The following RIPOR3 variants were observed in gnomAD, a reference collection of about 807,000 sequenced individuals.
RIPOR3 encodes RIPOR family member 3.
Under a neutral mutation model 114.3 loss-of-function variants are expected in RIPOR3, and 95 were observed. That is an observed-to-expected ratio of 0.83 (90% CI 0.70 to 0.99). The LOEUF (loss-of-function observed/expected upper bound fraction) is 0.99. RIPOR3 is among the 50% of genes least tolerant of loss of function. The probability of loss-of-function intolerance (pLI) is 0.00; values close to 1 mark genes in which losing one functional copy is unlikely to be tolerated. For missense variants in RIPOR3, 1,252 were observed against 1,266.9 expected (o/e 0.99, Z 0.18); for synonymous variants, 575 against 543.8 (o/e 1.06, Z -0.80).
chr20:50,682,731 C>CTTT (rs11483033), intron 1 of RIPOR3, among the ~76,000 whole-genome samples: 4 of 146,406 alleles, frequency 2.7e-5, no homozygotes, highest in Non-Finnish European at 3.0e-5. Context: ...AGTGATAAAA[C>CTTT]TTTTTTTTTT....
intron 1 of RIPOR3, among the ~76,000 whole-genome samples, chr20:50,651,638 T>C (rs1276906399): frequency 6.6e-6 from 1 of 152,210 alleles, no homozygotes; most frequent in Non-Finnish European, 1.5e-5. Context: ...CCACACTCCC[T>C]TCCTCACCTC....
At position 50,594,627 on chromosome 20, in the gene RIPOR3, G is replaced by A. The variant is rs371910395; in HGVS notation, c.2138C>T (p.Thr713Met). ...TTTCTTGAGCTGGTTCAGCAGCGTC[G>A]TGGCAGGGCAGGACAGGACCCTGCC... ...GPGRVLSCPATTLLNQLKKTF... is the reference protein window; with the variant it reads ...GPGRVLSCPAMTLLNQLKKTF... The change falls in exon 17 of 22, where the codon ACG becomes ATG. Residue 713 changes from threonine (T) to methionine (M), a missense_variant. Thr to Met is a moderately conservative substitution (Grantham distance 81). Transcript: ENST00000327979. 1.8e-5 allele frequency: 29 copies of A among 1,613,814 alleles called. No homozygotes were observed. The highest frequency in any genetic ancestry group is 6.6e-5 in the South Asian group (6 of 91,074).
At chr20:50,657,748 C>CTTTTTTTTT (rs1272938455) in intron 1 of RIPOR3, among the ~76,000 whole-genome samples, 4 of 109,096 alleles carry the variant, frequency 3.7e-5, no homozygotes, top group Admixed American at 9.8e-5. Context: ...ATGTCTTTTA[C>CTTTTTTTTT]TTTTTTTTTT....
Position 50,586,337 on chromosome 20 carries a change from T to A in RIPOR3, c.*895A>T, listed in dbSNP as rs1326182404. The A allele has an allele frequency of 6.6e-6, 1 of 152,352 alleles. No individual in the cohort carries two copies. The highest frequency in any genetic ancestry group is 6.5e-5 in the Admixed American group (1 of 15,296). The allele number at this position is 152,352 out of a possible 1,614,324, so 9.4% of individuals were successfully genotyped here. On this transcript the variant is annotated 3_prime_UTR_variant, in exon 22 of 22. Transcript: ENST00000327979. The stretch of plus-strand genomic sequence containing the variant: ...TCTCAGGACATGGTTTGCTTTTTTT[T>A]AAGACTTAAATAGGAAACTAATTTT...
intron 2 of RIPOR3, among the ~76,000 whole-genome samples, chr20:50,627,554 G>T (rs570650152): frequency 7.4e-6 from 1 of 134,924 alleles, no homozygotes; most frequent in African/African-American, 3.4e-5. Context: ...GTGGTGGCAC[G>T]CTCCTGTAAT....
intron 1 of RIPOR3, among the ~76,000 whole-genome samples, chr20:50,637,127 G>A (rs929559503): frequency 6.6e-6 from 1 of 152,130 alleles, no homozygotes; most frequent in Non-Finnish European, 1.5e-5. Context: ...TACCAGAGGG[G>A]GCCCGAGAAA....
intron 1 of RIPOR3, among the ~76,000 whole-genome samples, chr20:50,690,385 G>C (rs1238025537): frequency 6.6e-6 from 1 of 152,146 alleles, no homozygotes; most frequent in African/African-American, 2.4e-5. Flanking sequence ...GGCACTCTTC[G>C]TTCAAGCCTG....
At chr20:50,652,459 C>G (rs187268908) in intron 1 of RIPOR3, among the ~76,000 whole-genome samples, 1 of 151,766 alleles carries the variant, frequency 6.6e-6, no homozygotes, top group Non-Finnish European at 1.5e-5. Flanking sequence ...GGCGTGGTGG[C>G]GGGCGCCTGT....
intron 1 of RIPOR3, chr20:50,660,240 A>G (rs1224112961): frequency 2.6e-5 from 4 of 152,202 alleles, no homozygotes; most frequent in African/African-American, 9.7e-5. Flanking sequence ...TTGTGTTGCT[A>G]TAAAAGAATA....
At chr20:50,594,440 A>G in intron 17 of RIPOR3, 113 bp downstream of exon 17, 2 of 1,264,070 alleles carry the variant, frequency 1.6e-6, no homozygotes, top group East Asian at 2.4e-5. Context: ...TGGCATGAAG[A>G]CACAGAGGTG....
rs751111641 is a variant in RIPOR3, at chr20:50,609,672, G to A, written c.477C>T (p.Gly159=). 15 of 1,391,528 alleles carry A rather than the reference G, an allele frequency of 1.1e-5. No homozygotes were observed. Among genetic ancestry groups the A allele is most frequent in the Admixed American group, 3.5e-5 (1 of 28,506 alleles). 86.2% of individuals were successfully genotyped at this position (1,391,528 alleles called of 1,614,324 possible). A position where few individuals can be genotyped will look rare whatever the true frequency, so the allele number is the denominator to read the frequency against. Residue 159 remains glycine (G), a synonymous_variant, in exon 7 of 22, where the codon GGC becomes GGT. Transcript: ENST00000327979. ...CGAAGGCCCGCTGCATGCTGGAGGC[G>A]CCGTCGCGCAGGCGGCACTGGATGC... is the stretch of plus-strand genomic sequence containing the variant. ...DYCIQCRLRD[G]ASSMQRAFAR...
Position 50,592,371 on chromosome 20 carries a change from T to G in RIPOR3, c.2550A>C (p.Ala850=). Residue 850 remains alanine (A), a synonymous_variant, in exon 19 of 22, where the codon GCA becomes GCC. Transcript: ENST00000327979. ...CRAASARLAG[A]VRNRSFREKA... ...TTTCCCGGAAGCTTCTGTTCCTGACTGCACCAGCCAGGCGAGCGCTGGCCG... is the reference window on the plus strand; with the variant it reads ...TTTCCCGGAAGCTTCTGTTCCTGACGGCACCAGCCAGGCGAGCGCTGGCCG... The G allele has an allele frequency of 6.3e-7, 1 of 1,599,660 alleles. No homozygotes were observed. Among genetic ancestry groups the G allele is most frequent in the African/African-American group, 1.3e-5 (1 of 74,586 alleles).
chr20:50,603,953 G>A (rs1199695141), intron 12 of RIPOR3, among the ~76,000 whole-genome samples: 6 of 152,076 alleles, frequency 3.9e-5, no homozygotes, highest in Non-Finnish European at 7.4e-5. Flanking sequence ...AGGCCGAGGC[G>A]GGTGGATCAC....
At chr20:50,686,690 G>A (rs1056477842) in intron 1 of RIPOR3, among the ~76,000 whole-genome samples, 14 of 151,570 alleles carry the variant, frequency 9.2e-5, no homozygotes, top group African/African-American at 2.9e-4. Flanking sequence ...GGCGGAGGTT[G>A]CAGTGAGCTG....
intron 3 of RIPOR3, among the ~76,000 whole-genome samples, chr20:50,619,696 A>ATGATTGATTGCATTGCTTCT (rs984524474): frequency 6.6e-6 from 1 of 152,198 alleles, no homozygotes; most frequent in Non-Finnish European, 1.5e-5. Flanking sequence ...TGGAAGTTCT[A>ATGATTGATTGCATTGCTTCT]TGATTGATTG....
At chr20:50,666,193 T>TC (rs55980448) in intron 1 of RIPOR3, among the ~76,000 whole-genome samples, 266 of 28,012 alleles carry the variant, frequency 9.5e-3, no homozygotes, top group East Asian at 0.03. Flanking sequence ...ATTTCTTTTC[T>TC]TTTCTTTTCT....
At chr20:50,649,530 G>A (rs2085527761) in intron 1 of RIPOR3, among the ~76,000 whole-genome samples, 1 of 152,174 alleles carries the variant, frequency 6.6e-6, no homozygotes, top group African/African-American at 2.4e-5. Context: ...TTTCCCTCTG[G>A]AGAGCATGGA....
At chr20:50,672,344 G>A (rs532899261) in intron 1 of RIPOR3, among the ~76,000 whole-genome samples, 26 of 152,266 alleles carry the variant, frequency 1.7e-4, no homozygotes, top group African/African-American at 5.3e-4. Context: ...AAAAGGGGTT[G>A]GGGCCCCCTG....
At chr20:50,653,573 G>A (rs1048063552) in intron 1 of RIPOR3, among the ~76,000 whole-genome samples, 1 of 146,764 alleles carries the variant, frequency 6.8e-6, no homozygotes, top group Non-Finnish European at 1.5e-5. Context: ...GATTACAGGC[G>A]TATGCCACCA....
Sources: gnomAD v4.1 joint callset for allele counts (sites outside exome capture counted in the v4.1 genomes callset) on GRCh38, gnomAD v4.1.1 for gene constraint, MANE v1.5 for transcripts, NCBI Gene and HGNC (gene_info 2026-07-23, HGNC 2026-07-21) for gene names.